The following OR2T27 variants were observed in gnomAD, a reference collection of about 807,000 sequenced individuals.
OR2T27 encodes the protein olfactory receptor family 2 subfamily T member 27, also known as olfactory receptor 2T27.
For synonymous variants in OR2T27, 51 were observed against 152.9 expected, an observed-to-expected ratio of 0.33 and a Z score of 4.92; for missense variants, 152 against 397.2, an observed-to-expected ratio of 0.38 and a Z score of 5.25.
intron 1 of OR2T27, among the ~76,000 whole-genome samples, chr1:248,653,777 A>G (rs1661071408): frequency 8.7e-5 from 3 of 34,398 alleles, no homozygotes; most frequent in African/African-American, 1.0e-4. Context: ...CCTTTTCTAT[A>G]TATAGGTGAT....
At position 248,649,975 on chromosome 1, in the gene OR2T27, C is replaced by T. The variant is rs776987572; in HGVS notation, c.910G>A (p.Val304Ile). 2 of 1,579,390 alleles carry T rather than the reference C, an allele frequency of 1.3e-6. 1 individual carries two copies. Among genetic ancestry groups the T allele is most frequent in the Non-Finnish European group, 1.7e-6 (2 of 1,157,558 alleles). ...CCTGAGGACACACACCTCCCCACAA[C>T]CTTCTGTAGGGCCCCTGTGACATCC... The part of the protein sequence containing the change: ...NKDVTGALQK[V>I]VGRCVSSGKV... The change falls in exon 2 of 2, where the codon GTT becomes ATT. Residue 304 changes from valine (V) to isoleucine (I), a missense_variant. Physicochemically the swap from Val to Ile is conservative, Grantham distance 29. Coordinates refer to ENST00000460972, the MANE Select transcript of OR2T27 (RefSeq NM_001001824.2).
At chr1:248,655,121 G>A (rs1476468126) in intron 1 of OR2T27, among the ~76,000 whole-genome samples, 1 of 36,562 alleles carries the variant, frequency 2.7e-5, no homozygotes, top group African/African-American at 3.3e-5. Flanking sequence ...AGCTCTTTAT[G>A]AAGATTTTAA....
intron 1 of OR2T27, among the ~76,000 whole-genome samples, chr1:248,652,876 A>G (rs1189426885): frequency 1.7e-4 from 25 of 151,020 alleles, no homozygotes; most frequent in African/African-American, 3.9e-4. Flanking sequence ...AAACTGTTAA[A>G]CCAGTGGGAA....
chr1:248,653,800 G>GTA lies in OR2T27; in HGVS notation c.-5+1643_-5+1644insTA, dbSNP rs1661071921. Among the ~76,000 whole-genome samples the GTA allele has an allele frequency of 2.4e-4, 3 of 12,510 alleles. 1 individual carries two copies. The highest frequency in any genetic ancestry group is 2.5e-4 in the African/African-American group (3 of 12,004). The allele number at this position is 12,510 out of a possible 152,430, so 8.2% of individuals were successfully genotyped here. A position where few individuals can be genotyped will look rare whatever the true frequency, so the allele number is the denominator to read the frequency against. On this transcript the variant is annotated intron_variant, in intron 1 of 1. Coordinates refer to ENST00000460972, the MANE Select transcript of OR2T27 (RefSeq NM_001001824.2). Reference sequence around the variant, plus strand: ...ATATATAGGTGATTTGTCGAGATTAGTCTATAGATTTTTATTTTTTATTAA... The same window carrying GTA: ...ATATATAGGTGATTTGTCGAGATTAGTATCTATAGATTTTTATTTTTTATTAA...
In OR2T27 at chr1:248,655,338, T is replaced by G. The variant is rs1313453308; in HGVS notation, c.-5+106A>C. On this transcript the variant is annotated intron_variant, in intron 1 of 1. Transcript: ENST00000460972. The stretch of plus-strand genomic sequence containing the variant: ...GCAGTTCAAAGTCAGATGTATCAAC[T>G]TCAACATTCTCCAGTATTTCTCTGG... The G allele has an allele frequency of 1.5e-5, 2 of 137,262 alleles. 1 individual carries two copies. Among genetic ancestry groups the G allele is most frequent in the South Asian group, 5.1e-4 (2 of 3,896 alleles). The allele number at this position is 137,262 out of a possible 1,614,324, so 8.5% of individuals were successfully genotyped here. A position where few individuals can be genotyped will look rare whatever the true frequency, so the allele number is the denominator to read the frequency against.
Position 248,649,998 on chromosome 1 carries a change from T to A in OR2T27, c.887A>T (p.Asp296Val), listed in dbSNP as rs1660966110. The change falls in exon 2 of 2, where the codon GAT becomes GTT. Residue 296 changes from aspartate (D) to valine (V), a missense_variant. Asp to Val is a radical substitution (Grantham distance 152). Coordinates refer to ENST00000460972, the MANE Select transcript of OR2T27 (RefSeq NM_001001824.2). ...AACCTTCTGTAGGGCCCCTGTGACA[T>A]CCTTGTTCCTAAGGCTGTAAATGAG... ...NPLIYSLRNK[D>V]VTGALQKVVG... 6.3e-7 allele frequency: 1 copy of A among 1,576,304 alleles called. No homozygotes were observed. Among genetic ancestry groups the A allele is most frequent in the Admixed American group, 1.7e-5 (1 of 58,586 alleles).
chr1:248,650,771 G>GGA lies in OR2T27; in HGVS notation c.112_113dup (p.Ile39ProfsTer2), dbSNP rs1661000237. On this transcript the variant is annotated frameshift_variant, in exon 2 of 2. Coordinates refer to ENST00000460972, the MANE Select transcript of OR2T27 (RefSeq NM_001001824.2). LOFTEE classifies it low-confidence loss of function (END_TRUNC). ...TGATCTTGACCACGTTGCTGGCTAT[G>GGA]GAGGTCAAAAAGACCAGGAGAATGA... 6.2e-7 allele frequency: 1 copy of GGA among 1,600,686 alleles called. No individual in the cohort carries two copies. Among genetic ancestry groups the GGA allele is most frequent in the African/African-American group, 1.3e-5 (1 of 74,540 alleles).
At chr1:248,653,101 T>G (rs74447056) in intron 1 of OR2T27, among the ~76,000 whole-genome samples, 91,846 of 113,118 alleles carry the variant, frequency 0.81, 38,402 homozygotes, top group Non-Finnish European at 0.93. Flanking sequence ...ATGAAAAAAT[T>G]GGTCCAAAAA....
chr1:248,652,206 ACTT>A (rs1376609603), intron 1 of OR2T27, among the ~76,000 whole-genome samples: 3 of 151,926 alleles, frequency 2.0e-5, no homozygotes, highest in African/African-American at 7.2e-5. Flanking sequence ...AAATGGCTTT[ACTT>A]GTATATGCAT....
chr1:248,652,912 A>G (rs1661050921), intron 1 of OR2T27, among the ~76,000 whole-genome samples: 1 of 147,206 alleles, frequency 6.8e-6, no homozygotes, highest in Non-Finnish European at 1.5e-5. Context: ...TTTAGTAGCA[A>G]TTCGTATGAT....
chr1:248,653,843 T>TA (rs1661074178), intron 1 of OR2T27, among the ~76,000 whole-genome samples: 1 of 61,568 alleles, frequency 1.6e-5, no homozygotes, highest in Admixed American at 2.5e-4. Flanking sequence ...TTGTTCTATT[T>TA]AGTGCAGCTA....
At chr1:248,650,912 T>A in intron 1 of OR2T27, 24 bp from the exon 2 acceptor site, 1 of 1,297,666 alleles carries the variant, frequency 7.7e-7, no homozygotes, top group Non-Finnish European at 1.1e-6. Flanking sequence ...AAAAGAGATA[T>A]GACAAAGTTG....
At chr1:248,651,997 T>C (rs192024830) in intron 1 of OR2T27, among the ~76,000 whole-genome samples, 13 of 139,498 alleles carry the variant, frequency 9.3e-5, no homozygotes, top group South Asian at 2.1e-4. Flanking sequence ...TTCACCTATT[T>C]TTTACATTTT....
intron 1 of OR2T27, among the ~76,000 whole-genome samples, chr1:248,654,590 CTGACTA>C (rs1462029748): frequency 1.6e-4 from 4 of 24,616 alleles, no homozygotes; most frequent in African/African-American, 2.0e-4. Context: ...AATGGTGACC[CTGACTA>C]TAAGACATTT....
intron 1 of OR2T27, 25 bp from the exon 2 acceptor site, chr1:248,650,913 G>C (rs767566897): frequency 1.0e-5 from 13 of 1,285,238 alleles, no homozygotes; most frequent in East Asian, 2.4e-5. Flanking sequence ...AAAGAGATAT[G>C]ACAAAGTTGG....
At position 248,651,932 on chromosome 1, in the gene OR2T27, A is replaced by G. The variant is rs185936408; in HGVS notation, c.-4-1044T>C. Among the ~76,000 whole-genome samples, 303 of 60,900 alleles carry G rather than the reference A, an allele frequency of 5.0e-3. 1 individual carries two copies. The highest frequency in any genetic ancestry group is 0.012 in the Non-Finnish European group (206 of 16,946). 40.0% of individuals were successfully genotyped at this position (60,900 alleles called of 152,430 possible). A position where few individuals can be genotyped will look rare whatever the true frequency, so the allele number is the denominator to read the frequency against. On this transcript the variant is annotated intron_variant, in intron 1 of 1. Transcript: ENST00000460972. ...AATATATGCAACACATCTCCTTAAA[A>G]CTTTATATTATGGTAACTTTTAGAT...
intron 1 of OR2T27, among the ~76,000 whole-genome samples, chr1:248,653,539 AATG>A (rs1661064960): frequency 4.3e-5 from 1 of 23,492 alleles, no homozygotes; most frequent in African/African-American, 4.7e-5. Context: ...GTTTGCTTAT[AATG>A]CAAGTATTGT....
In OR2T27 at chr1:248,650,396, G is replaced by A; in HGVS notation, c.489C>T (p.Thr163=). 2 of 1,373,368 alleles carry A rather than the reference G, an allele frequency of 1.5e-6. No individual in the cohort carries two copies. The highest frequency in any genetic ancestry group is 2.1e-6 in the Non-Finnish European group (2 of 974,386). 85.1% of individuals were successfully genotyped at this position (1,373,368 alleles called of 1,614,324 possible). ...SIDGFLLTPV[T]MQFPFCASRE... ...GAGAGGCACAGAAGGGGAACTGCAT[G>A]GTGACGGGGGTGAGCAAGAAACCAT... is the stretch of plus-strand genomic sequence containing the variant. Residue 163 remains threonine, a synonymous_variant, in exon 2 of 2, where the codon ACC becomes ACT. Coordinates refer to ENST00000460972, the MANE Select transcript of OR2T27 (RefSeq NM_001001824.2).
intron 1 of OR2T27, among the ~76,000 whole-genome samples, chr1:248,652,524 G>T (rs1437538148): frequency 2.2e-5 from 1 of 44,932 alleles, no homozygotes; most frequent in African/African-American, 3.2e-5. Flanking sequence ...GCCTAGAATT[G>T]AGGCACATGA....
Sources: allele counts gnomAD v4.1 joint callset (sites outside exome capture counted in the v4.1 genomes callset), GRCh38; gene constraint gnomAD v4.1.1; transcripts MANE v1.5; gene names NCBI Gene and HGNC (gene_info 2026-07-23, HGNC 2026-07-21).